PLAC8L1: variants seen among roughly 807,000 people sequenced by gnomAD.
PLAC8L1 encodes PLAC8-like protein 1.
In PLAC8L1, 13 loss-of-function variants were observed where a neutral mutation model predicts 16.3. The observed-to-expected ratio is 0.80, with a 90% CI of 0.52 to 1.27. The LOEUF is 1.27. Ranked by LOEUF, PLAC8L1 falls within the 50% of genes most tolerant of loss-of-function variation. The pLI is 0.00. For synonymous variants in PLAC8L1, 78 were observed against 79.3 expected (o/e 0.98, Z 0.09); for missense variants, 184 against 220.2 (o/e 0.84, Z 1.04).
intron 1 of PLAC8L1, among the ~76,000 whole-genome samples, chr5:146,101,330 C>T (rs1355355440): frequency 1.3e-5 from 2 of 152,112 alleles, no homozygotes; most frequent in Admixed American, 1.3e-4. Flanking sequence ...CCCAATTGGG[C>T]TGGCACTCTA....
At position 146,084,374 on chromosome 5, in the gene PLAC8L1, C is replaced by A; in HGVS notation, c.*58G>T. On this transcript the variant is annotated 3_prime_UTR_variant, in exon 4 of 4. Coordinates refer to ENST00000311450, the MANE Select transcript of PLAC8L1 (RefSeq NM_001029869.3). ...AAAAACTTAGGAAAAAGCAATTGTT[C>A]CACTGAGAGGTTTGAGAGGAGGGTG... 6.4e-7 allele frequency: 1 copy of A among 1,567,048 alleles called. No homozygotes were observed. Among genetic ancestry groups the A allele is most frequent in the South Asian group, 1.2e-5 (1 of 85,380 alleles).
chr5:146,085,729 A>C, intron 2 of PLAC8L1, 132 bp from the exon 3 acceptor site: 1 of 1,014,782 alleles, frequency 9.9e-7, no homozygotes, highest in Non-Finnish European at 1.3e-6. Context: ...ACTGAGAATA[A>C]ATAACCAATT....
At chr5:146,086,001 T>C (rs2150033017) in intron 2 of PLAC8L1, among the ~76,000 whole-genome samples, 1 of 151,730 alleles carries the variant, frequency 6.6e-6, no homozygotes, top group Admixed American at 6.6e-5. Context: ...AGACATCTAT[T>C]TCTATAAGTG....
rs1338621159 is a variant in PLAC8L1 at position 146,104,245 on chromosome 5, G to A, written c.67C>T (p.Pro23Ser). 3.1e-6 allele frequency: 5 copies of A among 1,613,804 alleles called. No individual in the cohort carries two copies. Among genetic ancestry groups the A allele is most frequent in the Non-Finnish European group, 2.5e-6 (3 of 1,179,856 alleles). The part of the protein sequence containing the change: ...EDLSLLNIYS[P>S]LLSHMSSEDE... ...TCAGATGACATGTGTGACAACAGAG[G>A]TGAGTATATGTTGAGTAAGGAAAGA... Residue 23 changes from proline to serine, a missense_variant, in exon 1 of 4, where the codon CCT (proline) becomes TCT (serine). Physicochemically the swap from Pro to Ser is moderately conservative, Grantham distance 74. Coordinates refer to ENST00000311450, the MANE Select transcript of PLAC8L1 (RefSeq NM_001029869.3).
rs150679602 is a variant in PLAC8L1, at chr5:146,085,583, A to G, written c.271T>C (p.Phe91Leu). The change falls in exon 3 of 4, where the codon TTC becomes CTC. Residue 91 changes from phenylalanine (F) to leucine (L), a missense_variant. Transcript: ENST00000311450. ...RDRRICFCGL[F>L]CPMCLECDIA... ...TCACACTCAAGACACATAGGACAGA[A>G]TAGACCACAGAAACCTGTCAATAAC... 193 of 1,613,474 alleles carry G rather than the reference A, an allele frequency of 1.2e-4. No individual in the cohort carries two copies. Among genetic ancestry groups the G allele is most frequent in the Non-Finnish European group, 1.6e-4 (185 of 1,179,770 alleles).
chr5:146,093,018 T>TACAC (rs200700074), intron 2 of PLAC8L1, among the ~76,000 whole-genome samples: 1 of 151,564 alleles, frequency 6.6e-6, no homozygotes, highest in South Asian at 2.1e-4. Context: ...GTATAAATTA[T>TACAC]ACACACACAC....
intron 2 of PLAC8L1, among the ~76,000 whole-genome samples, chr5:146,094,332 G>A (rs1265662757): frequency 2.6e-5 from 4 of 151,990 alleles, no homozygotes; most frequent in African/African-American, 7.3e-5. Flanking sequence ...TGCCCACCTC[G>A]GCCTCCCAAA....
chr5:146,100,699 T>C (rs1193888160), intron 1 of PLAC8L1, among the ~76,000 whole-genome samples: 1 of 152,006 alleles, frequency 6.6e-6, no homozygotes, highest in Non-Finnish European at 1.5e-5. Context: ...AAAATATATA[T>C]ATATGGATAT....
chr5:146,087,267 C>T (rs751290453), intron 2 of PLAC8L1, among the ~76,000 whole-genome samples: 21 of 152,110 alleles, frequency 1.4e-4, no homozygotes, highest in Non-Finnish European at 2.8e-4. Flanking sequence ...TCTCCATTCT[C>T]CCATTGATAA....
chr5:146,089,864 G>A (rs954363091), intron 2 of PLAC8L1, among the ~76,000 whole-genome samples: 3 of 151,200 alleles, frequency 2.0e-5, no homozygotes, highest in African/African-American at 7.3e-5. Context: ...TCAGCCTCTC[G>A]AGTAGCTGGG....
intron 3 of PLAC8L1, among the ~76,000 whole-genome samples, chr5:146,085,208 A>G (rs1156478709): frequency 6.6e-6 from 1 of 152,250 alleles, no homozygotes; most frequent in Non-Finnish European, 1.5e-5. Flanking sequence ...ACTTGAGGGC[A>G]GGACTTTGAG....
chr5:146,085,878 A>G (rs1321544624), intron 2 of PLAC8L1, among the ~76,000 whole-genome samples: 1 of 152,224 alleles, frequency 6.6e-6, no homozygotes, highest in African/African-American at 2.4e-5. Flanking sequence ...GTTAAGAGAA[A>G]AAGCATCAAA....
intron 2 of PLAC8L1, among the ~76,000 whole-genome samples, chr5:146,092,535 A>AT (rs35101919): frequency 0.24 from 24,522 of 100,456 alleles, 4,434 homozygotes; most frequent in Non-Finnish European, 0.32. Context: ...ATCTTTGCAG[A>AT]TTTTTTTTTT....
chr5:146,087,645 G>A (rs1406590363), intron 2 of PLAC8L1, among the ~76,000 whole-genome samples: 1 of 152,122 alleles, frequency 6.6e-6, no homozygotes, highest in Non-Finnish European at 1.5e-5. Flanking sequence ...TTTCATCTCA[G>A]CCTCCTGAGT....
intron 1 of PLAC8L1, among the ~76,000 whole-genome samples, chr5:146,101,806 G>A (rs2150038620): frequency 6.6e-6 from 1 of 152,316 alleles, no homozygotes; most frequent in East Asian, 1.9e-4. Context: ...ACCTCTCAAT[G>A]TGATGGCCAC....
intron 2 of PLAC8L1, among the ~76,000 whole-genome samples, chr5:146,092,688 C>T (rs1763641955): frequency 6.6e-6 from 1 of 151,930 alleles, no homozygotes; most frequent in East Asian, 1.9e-4. Context: ...ATTGCAGGAG[C>T]CCGCCACCAC....
At chr5:146,098,126 G>A in intron 2 of PLAC8L1, 30 bp downstream of exon 2, 1 of 1,592,812 alleles carries the variant, frequency 6.3e-7, no homozygotes, top group East Asian at 2.3e-5. Context: ...AAATAGTAAG[G>A]AGGAACTTAA....
intron 2 of PLAC8L1, among the ~76,000 whole-genome samples, chr5:146,088,539 G>A (rs1048738489): frequency 6.6e-6 from 1 of 152,074 alleles, no homozygotes; most frequent in Non-Finnish European, 1.5e-5. Context: ...ACTCTCCAAG[G>A]CTCCAGGACT....
At position 146,086,024 on chromosome 5, in the gene PLAC8L1, C is replaced by CTTTTTTTTTTTTTTT. The variant is rs58130114; in HGVS notation, c.257-442_257-428dup. On this transcript the variant is annotated intron_variant, in intron 2 of 3. Transcript: ENST00000311450. The stretch of plus-strand genomic sequence containing the variant: ...ATTTCTATAAGTGTAATTGAAAGGT[C>CTTTTTTTTTTTTTTT]TTTTTTTTTTTTTTTTTTTTTTTGA... Among the ~76,000 whole-genome samples the CTTTTTTTTTTTTTTT allele has an allele frequency of 3.3e-4, 30 of 90,390 alleles. 3 individuals are homozygous for CTTTTTTTTTTTTTTT. Among genetic ancestry groups the CTTTTTTTTTTTTTTT allele is most frequent in the African/African-American group, 1.2e-3 (26 of 21,658 alleles). The allele number at this position is 90,390 out of a possible 152,430, so 59.3% of individuals were successfully genotyped here. A position where few individuals can be genotyped will look rare whatever the true frequency, so the allele number is the denominator to read the frequency against.
Sources: allele counts gnomAD v4.1 joint callset (sites outside exome capture counted in the v4.1 genomes callset), GRCh38; gene constraint gnomAD v4.1.1; transcripts MANE v1.5; gene names NCBI Gene and HGNC (gene_info 2026-07-23, HGNC 2026-07-21).